NFIC: variants seen among roughly 807,000 people sequenced by gnomAD.
The protein encoded by NFIC is nuclear factor I C.
Under a neutral mutation model 54.4 loss-of-function variants are expected in NFIC, and 12 were observed. The observed-to-expected ratio is 0.22, with a 90% CI of 0.14 to 0.36. The LOEUF is 0.36. Ranked by LOEUF, NFIC falls within the 10% of genes least tolerant of loss-of-function variation. The probability of loss-of-function intolerance (pLI) is 1.00; values close to 1 mark genes in which losing one functional copy is unlikely to be tolerated. For synonymous variants in NFIC, 322 were observed against 319.2 expected, an observed-to-expected ratio of 1.01 and a Z score of -0.09; for missense variants, 575 against 718.2, an observed-to-expected ratio of 0.80 and a Z score of 2.28.
intron 2 of NFIC, among the ~76,000 whole-genome samples, chr19:3,385,570 G>GTTTTTTTTT (rs1393908554): frequency 7.4e-6 from 1 of 135,606 alleles, no homozygotes; most frequent in East Asian, 2.2e-4. Flanking sequence ...TTTGGTTGTT[G>GTTTTTTTTT]TTGTTTTTTT....
Position 3,382,357 on chromosome 19 carries a change from G to A in NFIC, c.562+114G>A. 4 of 1,414,070 alleles carry A rather than the reference G, an allele frequency of 2.8e-6. No individual in the cohort carries two copies. In the South Asian group the frequency reaches 5.4e-5, roughly 19 times the overall value. 87.6% of individuals were successfully genotyped at this position (1,414,070 alleles called of 1,614,324 possible). On this transcript the variant is annotated intron_variant, in intron 2 of 10. Coordinates refer to ENST00000443272, the MANE Select transcript of NFIC (RefSeq NM_001245002.2). ...CAGTGCGTGTGGGTATGATGTGGTG[G>A]TCTGAGAGGGGAAGTGGGCCTTGGA...
rs2082610841 is a variant in NFIC at position 3,459,558 on chromosome 19, C to T, written c.1509+2923C>T. 6.6e-6 allele frequency among the ~76,000 whole-genome samples: 1 copy of T among 152,228 alleles called. No individual in the cohort carries two copies. On this transcript the variant is annotated intron_variant, in intron 10 of 10. Coordinates refer to ENST00000443272, the MANE Select transcript of NFIC (RefSeq NM_001245002.2). The surrounding 1 kb of genome is among the most constrained non-coding windows in gnomAD (Gnocchi z 4.2). ...AGAGCCCAAACCTCCCCCTTCACAC[C>T]TACTGCCTCAGTCTCCCCTCAGCTG...
chr19:3,362,236 AGAGT>A (rs1046046314), upstream of NFIC, among the ~76,000 whole-genome samples: 1 of 151,646 alleles, frequency 6.6e-6, no homozygotes, highest in African/African-American at 2.4e-5. Context: ...TGTGCTTGTA[AGAGT>A]GTGTGCTTTT....
intron 2 of NFIC, among the ~76,000 whole-genome samples, chr19:3,397,450 G>A (rs2081482517): frequency 1.3e-5 from 2 of 152,204 alleles, no homozygotes; most frequent in African/African-American, 4.8e-5. Context: ...CAGCCAGGCT[G>A]GGGGCTGGGC....
intron 10 of NFIC, among the ~76,000 whole-genome samples, chr19:3,457,236 C>T (rs947790430): frequency 1.3e-5 from 2 of 152,274 alleles, no homozygotes; most frequent in Admixed American, 6.5e-5. Context: ...TTCATGTTCA[C>T]GTTGATGTTC....
Position 3,369,472 on chromosome 19 carries a change from A to G in NFIC, c.30+2806A>G, listed in dbSNP as rs745884749. On this transcript the variant is annotated intron_variant, in intron 1 of 10. Transcript: ENST00000443272. The surrounding 1 kb of genome is among the most constrained non-coding windows in gnomAD (Gnocchi z 4.3). ...GCCCAACCGAAAATAGCTCCCTTTT[A>G]GCTGATCCGACCCGGATCCTTCTCG... Among the ~76,000 whole-genome samples, 51 of 149,576 alleles carry G rather than the reference A, an allele frequency of 3.4e-4. No individual in the cohort carries two copies. The highest frequency in any genetic ancestry group is 6.8e-4 in the Non-Finnish European group (46 of 67,486).
At chr19:3,360,754 T>C (rs1346597029) in intron 1 of NFIC, among the ~76,000 whole-genome samples, 1 of 152,190 alleles carries the variant, frequency 6.6e-6, no homozygotes, top group Non-Finnish European at 1.5e-5. Context: ...TGCGGGACGG[T>C]GTTGTGAAAC....
rs534344969 is a variant in NFIC at position 3,369,497 on chromosome 19, G to C, written c.30+2831G>C. Among the ~76,000 whole-genome samples, 223 of 152,090 alleles carry C rather than the reference G, an allele frequency of 1.5e-3. No homozygotes were observed. The highest frequency in any genetic ancestry group is 5.1e-3 in the African/African-American group (210 of 41,482). The stretch of plus-strand genomic sequence containing the variant: ...AGCTGATCCGACCCGGATCCTTCTC[G>C]GGAGCCGAGGCTGGCGGGGGGTGGG... On this transcript the variant is annotated intron_variant, in intron 1 of 10. Coordinates refer to ENST00000443272, the MANE Select transcript of NFIC (RefSeq NM_001245002.2). This position sits in a 1 kb window ranked among gnomAD's most constrained non-coding sequence, Gnocchi z 4.3.
intron 2 of NFIC, among the ~76,000 whole-genome samples, chr19:3,396,882 G>A (rs1433026403): frequency 6.6e-6 from 1 of 152,182 alleles, no homozygotes; most frequent in Non-Finnish European, 1.5e-5. Context: ...CTTGAACCCA[G>A]GAGGCAGAGG....
chr19:3,371,632 C>T (rs1450239771), intron 1 of NFIC: 1 of 152,068 alleles, frequency 6.6e-6, no homozygotes, highest in African/African-American at 2.4e-5. Context: ...CTTAGTCCGA[C>T]ACCTGGTATA....
rs1335366355 is a variant in NFIC at position 3,469,153 on chromosome 19, CA to C, written c.*6387del. 6.7e-6 allele frequency: 1 copy of C among 150,228 alleles called. No individual in the cohort carries two copies. The highest frequency in any genetic ancestry group is 1.5e-5 in the Non-Finnish European group (1 of 67,562). 9.3% of individuals were successfully genotyped at this position (150,228 alleles called of 1,614,324 possible). A position where few individuals can be genotyped will look rare whatever the true frequency, so the allele number is the denominator to read the frequency against. ...ATTCCATAAAAGATTCAATAAAAGA[CA>C]AACAAAAAAAAAAGAAAAAAGAAAA... On this transcript the variant is annotated 3_prime_UTR_variant, in exon 11 of 11. Coordinates refer to ENST00000443272, the MANE Select transcript of NFIC (RefSeq NM_001245002.2).
chr19:3,432,003 G>A (rs895035737), intron 3 of NFIC, among the ~76,000 whole-genome samples: 5 of 152,098 alleles, frequency 3.3e-5, no homozygotes, highest in African/African-American at 1.2e-4. Context: ...GTCTCACAGG[G>A]GCAACTGCTT....
chr19:3,434,092 T>C (rs1473830700), intron 4 of NFIC, among the ~76,000 whole-genome samples, 185 bp from the exon 5 acceptor site: 1 of 152,146 alleles, frequency 6.6e-6, no homozygotes, highest in African/African-American at 2.4e-5. Flanking sequence ...GCTCTTGGCC[T>C]CTCCCCATGG....
At chr19:3,446,915 A>C (rs1409328701) in intron 6 of NFIC, among the ~76,000 whole-genome samples, 2 of 151,974 alleles carry the variant, frequency 1.3e-5, no homozygotes, top group African/African-American at 2.4e-5. Context: ...GGTCCCACCT[A>C]CCTGGGAGGC....
At chr19:3,457,085 C>A (rs1194197521) in intron 10 of NFIC, among the ~76,000 whole-genome samples, 1 of 152,184 alleles carries the variant, frequency 6.6e-6, no homozygotes, top group Non-Finnish European at 1.5e-5. Flanking sequence ...GAAACTGAGG[C>A]AGCCCATGGC....
chr19:3,407,578 G>A (rs2081673987), intron 2 of NFIC, among the ~76,000 whole-genome samples: 1 of 152,170 alleles, frequency 6.6e-6, no homozygotes, highest in South Asian at 2.1e-4. Flanking sequence ...GGGATTACAG[G>A]CATGCACCAC....
At chr19:3,434,983 C>T in intron 5 of NFIC, 100 bp from the exon 6 acceptor site, 4 of 1,405,366 alleles carry the variant, frequency 2.8e-6, no homozygotes, top group East Asian at 2.7e-5. Flanking sequence ...ACCTCCCTCG[C>T]CCCCGCTCAC....
At chr19:3,395,563 C>T (rs909792397) in intron 2 of NFIC, among the ~76,000 whole-genome samples, 2 of 149,812 alleles carry the variant, frequency 1.3e-5, no homozygotes, top group South Asian at 4.3e-4. Flanking sequence ...GTGGTGGACT[C>T]ATAGCTCACT....
At chr19:3,384,935 C>T (rs1258579712) in intron 2 of NFIC, among the ~76,000 whole-genome samples, 2 of 151,914 alleles carry the variant, frequency 1.3e-5, no homozygotes, top group Non-Finnish European at 2.9e-5. Context: ...GGGCCCCGCC[C>T]CCACCTCCTC....
Sources: allele counts gnomAD v4.1 joint callset (sites outside exome capture counted in the v4.1 genomes callset), GRCh38; gene constraint gnomAD v4.1.1; non-coding constraint Gnocchi (gnomAD v3.1); transcripts MANE v1.5; gene names NCBI Gene and HGNC (gene_info 2026-07-23, HGNC 2026-07-21).